Variants in MYO5C observed in about 807,000 individuals in gnomAD.
The protein encoded by MYO5C is unconventional myosin-Vc.
In MYO5C, 194 loss-of-function variants were observed where a neutral mutation model predicts 235.7. That is an observed-to-expected ratio of 0.82 (90% CI 0.73 to 0.93). The LOEUF (loss-of-function observed/expected upper bound fraction) is 0.93, where lower values mean the gene tolerates loss of function less well. Among genes scored for constraint, MYO5C ranks in the 40% least tolerant of loss-of-function variants. The probability of loss-of-function intolerance (pLI) is 0.00; values close to 1 mark genes in which losing one functional copy is unlikely to be tolerated. For synonymous variants in MYO5C, 707 were observed against 754.8 expected (o/e 0.94, Z 1.04); for missense variants, 2,038 against 2,127.2 (o/e 0.96, Z 0.82).
rs115076895 is a variant in MYO5C, at chr15:52,205,263, T to G, written c.4538-116A>C. 3 of 1,155,736 alleles carry G rather than the reference T, an allele frequency of 2.6e-6. No homozygotes were observed. The African/African-American group carries it at 4.6e-5, about 18-fold the overall frequency. The allele number at this position is 1,155,736 out of a possible 1,614,324, so 71.6% of individuals were successfully genotyped here. A position where few individuals can be genotyped will look rare whatever the true frequency, so the allele number is the denominator to read the frequency against. On this transcript the variant is annotated intron_variant, in intron 37 of 40. Transcript: ENST00000261839. ...ATTTTTCTACAAGAGTCAGTGGATG[T>G]ACTTATGATAGAGAAAGCAAAAGAA...
chr15:52,218,803 G>T, intron 31 of MYO5C, 116 bp from the exon 32 acceptor site: 1 of 1,031,778 alleles, frequency 9.7e-7, no homozygotes, highest in Non-Finnish European at 1.4e-6. Flanking sequence ...GCCAATTTCT[G>T]TGTAAAGCAA....
intron 38 of MYO5C, among the ~76,000 whole-genome samples, chr15:52,202,853 A>G (rs578242042): frequency 6.6e-6 from 1 of 152,074 alleles, no homozygotes; most frequent in Non-Finnish European, 1.5e-5. Flanking sequence ...TTGACTTAAG[A>G]TACTCAATTT....
At chr15:52,275,502 A>AAACC in intron 5 of MYO5C, 60 bp downstream of exon 5, 1 of 1,605,870 alleles carries the variant, frequency 6.2e-7, no homozygotes, top group Non-Finnish European at 8.5e-7. Flanking sequence ...GAGAGCACAC[A>AAACC]AACCAACCAA....
At chr15:52,206,002 T>G (rs748605647) in intron 36 of MYO5C, 36 bp from the exon 37 acceptor site, 2 of 1,267,562 alleles carry the variant, frequency 1.6e-6, no homozygotes, top group Non-Finnish European at 1.1e-6. Context: ...ATTAGAATAA[T>G]ACAAACATGT....
intron 9 of MYO5C, among the ~76,000 whole-genome samples, chr15:52,262,836 C>T (rs941924130): frequency 6.6e-6 from 1 of 152,224 alleles, no homozygotes; most frequent in African/African-American, 2.4e-5. Flanking sequence ...TTATTACAGA[C>T]TGAACATTTG....
intron 39 of MYO5C, among the ~76,000 whole-genome samples, chr15:52,195,962 CTTTTTTTTTTTTTTTTT>C (rs71130140): frequency 9.9e-5 from 8 of 80,978 alleles, no homozygotes; most frequent in Admixed American, 1.7e-4. Context: ...TCACACCCAG[CTTTTTTTTTTTTTTTTT>C]TTTTTTTTTT....
chr15:52,215,825 A>G (rs1043868515), intron 32 of MYO5C, among the ~76,000 whole-genome samples: 2 of 152,160 alleles, frequency 1.3e-5, no homozygotes, highest in Admixed American at 1.3e-4. Context: ...TATACTGCAG[A>G]CGTTTTCCCA....
chr15:52,217,152 T>A (rs1254302190), intron 32 of MYO5C, among the ~76,000 whole-genome samples: 4 of 152,220 alleles, frequency 2.6e-5, no homozygotes, highest in Non-Finnish European at 5.9e-5. Flanking sequence ...ATCCGCCGGC[T>A]AATGTATAGA....
chr15:52,256,587 A>ACACACACACGCGCGCGCGCACGCGCGCG lies in MYO5C; in HGVS notation c.1395+51_1395+52insCGCGCGCGTGCGCGCGCGCGTGTGTGTG. 3.8e-3 allele frequency: 2,142 copies of ACACACACACGCGCGCGCGCACGCGCGCG among 567,350 alleles called. 56 individuals carry two copies. In the African/African-American group the frequency reaches 0.04, roughly 10 times the overall value. 35.1% of individuals were successfully genotyped at this position (567,350 alleles called of 1,614,324 possible). A position where few individuals can be genotyped will look rare whatever the true frequency, so the allele number is the denominator to read the frequency against. On this transcript the variant is annotated intron_variant, in intron 11 of 40. Coordinates refer to ENST00000261839, the MANE Select transcript of MYO5C (RefSeq NM_018728.4). ...AACACACACACACACACACACACAC[A>ACACACACACGCGCGCGCGCACGCGCGCG]CGCGCGCGCGCGCGGCTGAGAACTA...
At chr15:52,255,135 G>A (rs1250171025) in intron 11 of MYO5C, among the ~76,000 whole-genome samples, 1 of 152,112 alleles carries the variant, frequency 6.6e-6, no homozygotes, top group African/African-American at 2.4e-5. Flanking sequence ...TGTGGTACAT[G>A]TGATATTCTG....
At chr15:52,238,351 C>T (rs142405632) in intron 21 of MYO5C, among the ~76,000 whole-genome samples, 5 of 152,324 alleles carry the variant, frequency 3.3e-5, no homozygotes, top group African/African-American at 4.8e-5. Flanking sequence ...TGGCCGGCTG[C>T]GGCTATTTTT....
chr15:52,277,984 G>C (rs540210220), intron 4 of MYO5C: 11 of 455,840 alleles, frequency 2.4e-5, no homozygotes, highest in Non-Finnish European at 4.9e-5. Context: ...AAAGATTTAG[G>C]TAAAGAGTCA....
chr15:52,293,991 C>T lies in MYO5C; in HGVS notation c.27+1619G>A, dbSNP rs1372234808. ...GGCAGCCTAGGAACACAGGTGTCTA[C>T]GTGGACACAAGGTCAGTGGGAATGG... On this transcript the variant is annotated intron_variant, in intron 1 of 40. Transcript: ENST00000261839. 3.3e-5 allele frequency among the ~76,000 whole-genome samples: 5 copies of T among 152,330 alleles called. No individual in the cohort carries two copies. The South Asian group carries it at 6.2e-4, about 19-fold the overall frequency.
At chr15:52,216,262 T>G (rs2035549124) in intron 32 of MYO5C, among the ~76,000 whole-genome samples, 2 of 152,252 alleles carry the variant, frequency 1.3e-5, no homozygotes, top group Non-Finnish European at 2.9e-5. Context: ...TCATCCAGGC[T>G]GGAGTGCAGT....
At chr15:52,228,191 T>C (rs1429420505) in intron 25 of MYO5C, among the ~76,000 whole-genome samples, 2 of 152,190 alleles carry the variant, frequency 1.3e-5, no homozygotes, top group East Asian at 3.8e-4. Context: ...TCACCCAGGC[T>C]GGAGTGCAGT....
chr15:52,211,906 A>G, intron 34 of MYO5C, 22 bp from the exon 35 acceptor site: 1 of 1,610,664 alleles, frequency 6.2e-7, no homozygotes, highest in Non-Finnish European at 8.5e-7. Context: ...AGAGCCAATG[A>G]GGATTACAGC....
chr15:52,217,884 C>T (rs551808888), intron 32 of MYO5C, among the ~76,000 whole-genome samples: 79 of 152,168 alleles, frequency 5.2e-4, no homozygotes, highest in Non-Finnish European at 8.5e-4. Context: ...CGAAGGGGCC[C>T]GAGAGGGTCC....
chr15:52,242,239 G>C, intron 19 of MYO5C, 26 bp from the exon 20 acceptor site: 1 of 1,597,428 alleles, frequency 6.3e-7, no homozygotes, highest in Non-Finnish European at 8.5e-7. Flanking sequence ...TGAAGAGTGA[G>C]TCTGTTACCC....
intron 10 of MYO5C, 111 bp downstream of exon 10, chr15:52,260,751 T>C: frequency 8.0e-7 from 1 of 1,247,046 alleles, no homozygotes; most frequent in Non-Finnish European, 1.1e-6. Context: ...GCAGAGAATG[T>C]TATCTTTCTA....
Sources: allele counts gnomAD v4.1 joint callset (sites outside exome capture counted in the v4.1 genomes callset), GRCh38; gene constraint gnomAD v4.1.1; transcripts MANE v1.5; gene names NCBI Gene and HGNC (gene_info 2026-07-23, HGNC 2026-07-21).